The following TMTC1 variants were observed in gnomAD, a reference collection of about 807,000 sequenced individuals.
TMTC1 encodes the protein protein O-mannosyl-transferase TMTC1.
In TMTC1, 73 loss-of-function variants were observed where a neutral mutation model predicts 104.8. That is an observed-to-expected ratio of 0.70 (90% confidence interval 0.58 to 0.85). The LOEUF (loss-of-function observed/expected upper bound fraction) is 0.85. Among genes scored for constraint, TMTC1 ranks in the 40% least tolerant of loss-of-function variants. The probability of loss-of-function intolerance (pLI) is 0.00; values close to 1 mark genes in which losing one functional copy is unlikely to be tolerated. For synonymous variants in TMTC1, 434 were observed against 428.7 expected (o/e 1.01, Z -0.15); for missense variants, 1,035 against 1,096.1 (o/e 0.94, Z 0.79).
chr12:29,746,165 A>C (rs963535728), intron 5 of TMTC1, among the ~76,000 whole-genome samples: 1 of 152,228 alleles, frequency 6.6e-6, no homozygotes, highest in Non-Finnish European at 1.5e-5. Context: ...TATTAAAAAA[A>C]TATGAACCTA....
chr12:29,777,403 C>A (rs1235178779), intron 1 of TMTC1, among the ~76,000 whole-genome samples: 1 of 152,090 alleles, frequency 6.6e-6, no homozygotes, highest in Non-Finnish European at 1.5e-5. Flanking sequence ...CTCCTTACCC[C>A]TCTCTTTAAG....
intron 6 of TMTC1, among the ~76,000 whole-genome samples, chr12:29,612,886 A>C (rs576509157): frequency 6.6e-6 from 1 of 152,352 alleles, no homozygotes; most frequent in East Asian, 1.9e-4. Flanking sequence ...GACATATGAA[A>C]TCAAATACTG....
At chr12:29,604,909 G>T (rs1946657782) in intron 6 of TMTC1, among the ~76,000 whole-genome samples, 1 of 151,976 alleles carries the variant, frequency 6.6e-6, no homozygotes, top group Non-Finnish European at 1.5e-5. Flanking sequence ...ATAAAAAATC[G>T]TTATAATAAT....
At chr12:29,509,712 A>G (rs1283962133) in intron 17 of TMTC1, among the ~76,000 whole-genome samples, 3 of 152,234 alleles carry the variant, frequency 2.0e-5, no homozygotes, top group Non-Finnish European at 2.9e-5. Context: ...AAAGGTGGCA[A>G]TTTTATATTG....
rs201180864 is a variant in TMTC1, at chr12:29,726,190, T to C, written c.938+25476A>G. Reference sequence around the variant, plus strand: ...CGCTGCTAGGCTACTGAGCCAGAGATGCACAGAATTAAGGAGGGGGGTGGG... The same window carrying C: ...CGCTGCTAGGCTACTGAGCCAGAGACGCACAGAATTAAGGAGGGGGGTGGG... On this transcript the variant is annotated intron_variant, in intron 5 of 17. Coordinates refer to ENST00000539277, the MANE Select transcript of TMTC1 (RefSeq NM_001193451.2). Among the ~76,000 whole-genome samples, 206 of 152,318 alleles carry C rather than the reference T, an allele frequency of 1.4e-3. 1 individual carries two copies. The highest frequency in any genetic ancestry group is 0.012 in the East Asian group (63 of 5,176).
At chr12:29,771,998 A>T (rs1225160882) in intron 1 of TMTC1, among the ~76,000 whole-genome samples, 1 of 152,224 alleles carries the variant, frequency 6.6e-6, no homozygotes, top group East Asian at 1.9e-4. Context: ...ACATGAATGG[A>T]TGAATGAAAA....
intron 5 of TMTC1, among the ~76,000 whole-genome samples, chr12:29,695,775 T>G (rs1214446237): frequency 7.5e-6 from 1 of 134,202 alleles, no homozygotes; most frequent in Non-Finnish European, 1.7e-5. Flanking sequence ...TTCTCACAAA[T>G]TTTAAACTAC....
chr12:29,735,661 G>T (rs570824240), intron 5 of TMTC1, among the ~76,000 whole-genome samples: 1 of 152,262 alleles, frequency 6.6e-6, no homozygotes, highest in African/African-American at 2.4e-5. Flanking sequence ...TAGCATCAAT[G>T]TTGACAGGCA....
intron 5 of TMTC1, among the ~76,000 whole-genome samples, chr12:29,641,820 G>A (rs1170674515): frequency 2.0e-5 from 3 of 152,112 alleles, no homozygotes; most frequent in African/African-American, 7.2e-5. Flanking sequence ...GAAAGGCAAA[G>A]CCCAATGCAA....
chr12:29,510,693 T>TAGG (rs1943808772), intron 17 of TMTC1, among the ~76,000 whole-genome samples: 1 of 152,196 alleles, frequency 6.6e-6, no homozygotes, highest in Non-Finnish European at 1.5e-5. Flanking sequence ...TAAAACCCGT[T>TAGG]AGGACTTTGT....
At chr12:29,528,868 C>A (rs1944420177) in intron 11 of TMTC1, among the ~76,000 whole-genome samples, 1 of 151,638 alleles carries the variant, frequency 6.6e-6, no homozygotes, top group Admixed American at 6.6e-5. Context: ...TAATCATAAA[C>A]TTAAACATAA....
intron 5 of TMTC1, among the ~76,000 whole-genome samples, chr12:29,638,286 T>C (rs12827042): frequency 0.22 from 33,153 of 151,794 alleles, 4,091 homozygotes; most frequent in African/African-American, 0.35. Flanking sequence ...GCAGAAGAGC[T>C]GAAGAGCACG....
chr12:29,721,125 A>G (rs1449848164), intron 5 of TMTC1, among the ~76,000 whole-genome samples: 1 of 152,208 alleles, frequency 6.6e-6, no homozygotes, highest in Non-Finnish European at 1.5e-5. Flanking sequence ...TCTTACACCT[A>G]CTTCAGGAAA....
intron 10 of TMTC1, among the ~76,000 whole-genome samples, chr12:29,554,455 T>G (rs1945185791): frequency 6.6e-6 from 1 of 152,126 alleles, no homozygotes; most frequent in Admixed American, 6.5e-5. Context: ...TAGCAAGACG[T>G]TAGCGAGTCT....
Position 29,684,875 on chromosome 12 carries a change from AT to A in TMTC1, c.939-51540del, listed in dbSNP as rs374465294. Among the ~76,000 whole-genome samples, 912 of 152,266 alleles carry A rather than the reference AT, an allele frequency of 6.0e-3. 9 individuals are homozygous for A. Among genetic ancestry groups the A allele is most frequent in the African/African-American group, 0.02 (843 of 41,566 alleles). Reference sequence around the variant, plus strand: ...TGACTGGTTATTGTGAACACAAAGAATTTTTTCCAACTCAATAGTTAAGTTG... The same window carrying A: ...TGACTGGTTATTGTGAACACAAAGAATTTTTCCAACTCAATAGTTAAGTTG... On this transcript the variant is annotated intron_variant, in intron 5 of 17. Transcript: ENST00000539277.
chr12:29,668,417 T>C (rs1273448206), intron 5 of TMTC1, among the ~76,000 whole-genome samples: 2 of 151,170 alleles, frequency 1.3e-5, no homozygotes, highest in African/African-American at 4.9e-5. Context: ...AATGCAAATT[T>C]TGGAAGGGAT....
At chr12:29,648,853 T>A (rs111288233) in intron 5 of TMTC1, among the ~76,000 whole-genome samples, 2,295 of 152,214 alleles carry the variant, frequency 0.015, 56 homozygotes, top group African/African-American at 0.053. Context: ...TGAATGGGAT[T>A]TTTTACATTT....
rs1315922445 is a variant in TMTC1, at chr12:29,520,693, A to G, written c.1813T>C (p.Tyr605His). Residue 605 changes from tyrosine (Y) to histidine (H), a missense_variant, in exon 12 of 18, where the codon TAC (tyrosine) becomes CAC (histidine). Coordinates refer to ENST00000539277, the MANE Select transcript of TMTC1 (RefSeq NM_001193451.2). ...GGACAGTTCTTTATTCCAGTTTGGT[A>G]TATTTCTTCAGCTTCTTTAAACCGC... ...QERFKEAEEIYQTGIKNCPDS... is the reference protein window; with the variant it reads ...QERFKEAEEIHQTGIKNCPDS... 1 of 1,613,270 alleles carries G rather than the reference A, an allele frequency of 6.2e-7. No individual in the cohort carries two copies. The highest frequency in any genetic ancestry group is 8.5e-7 in the Non-Finnish European group (1 of 1,179,820).
At chr12:29,572,523 A>G (rs570745464) in intron 8 of TMTC1, among the ~76,000 whole-genome samples, 1 of 152,298 alleles carries the variant, frequency 6.6e-6, no homozygotes, top group South Asian at 2.1e-4. Flanking sequence ...ACACAGCTGG[A>G]GTCTGGGTAA....
Sources: allele counts gnomAD v4.1 joint callset (sites outside exome capture counted in the v4.1 genomes callset), GRCh38; gene constraint gnomAD v4.1.1; transcripts MANE v1.5; gene names NCBI Gene and HGNC (gene_info 2026-07-23, HGNC 2026-07-21).